The following SLIT3 variants were observed in gnomAD, a reference collection of about 807,000 sequenced individuals.
The protein encoded by SLIT3 is slit guidance ligand 3.
Under a neutral mutation model 184.0 loss-of-function variants are expected in SLIT3, and 68 were observed. The ratio of observed to expected loss-of-function variants is 0.37; its 90% CI spans 0.30 to 0.45. The LOEUF (loss-of-function observed/expected upper bound fraction) is 0.45, where lower values mean the gene tolerates loss of function less well. SLIT3 is among the 20% of genes least tolerant of loss of function. The pLI, the probability that SLIT3 is intolerant of heterozygous loss-of-function variation, is 1.00. For synonymous variants in SLIT3, 831 were observed against 828.6 expected (o/e 1.00, Z -0.05); for missense variants, 1,707 against 2,026.0 (o/e 0.84, Z 3.02).
intron 8 of SLIT3, among the ~76,000 whole-genome samples, chr5:168,808,226 G>T (rs986714995): frequency 6.6e-6 from 1 of 152,118 alleles, no homozygotes; most frequent in Admixed American, 6.5e-5. Context: ...CTCCTAGAGA[G>T]AGTGGTGATG....
chr5:168,672,886 A>G (rs1761297462), intron 33 of SLIT3, among the ~76,000 whole-genome samples: 1 of 152,206 alleles, frequency 6.6e-6, no homozygotes, highest in African/African-American at 2.4e-5. Context: ...TGAAGCTGGC[A>G]GACTTCAGCA....
At chr5:168,715,415 G>A (rs1018064529) in intron 23 of SLIT3, among the ~76,000 whole-genome samples, 1 of 152,180 alleles carries the variant, frequency 6.6e-6, no homozygotes, top group African/African-American at 2.4e-5. Context: ...ATGAACCTAT[G>A]GCTCAGGTCT....
At chr5:169,163,260 G>A (rs899139256) in intron 4 of SLIT3, among the ~76,000 whole-genome samples, 1 of 152,170 alleles carries the variant, frequency 6.6e-6, no homozygotes, top group Non-Finnish European at 1.5e-5. Flanking sequence ...GGCGGAGGTT[G>A]CAGTGAGCCA....
chr5:168,950,216 C>T (rs1476376864), intron 4 of SLIT3, among the ~76,000 whole-genome samples: 1 of 152,086 alleles, frequency 6.6e-6, no homozygotes, highest in Non-Finnish European at 1.5e-5. Context: ...TCCCTTCCTC[C>T]ATGTGAGGAA....
chr5:168,831,585 T>A (rs1393215198), intron 6 of SLIT3, among the ~76,000 whole-genome samples: 1 of 152,166 alleles, frequency 6.6e-6, no homozygotes, highest in Non-Finnish European at 1.5e-5. Flanking sequence ...ATTTGACACC[T>A]CAAATTAGCA....
chr5:169,193,358 GTC>G, intron 4 of SLIT3, 119 bp downstream of exon 4: 1 of 796,746 alleles, frequency 1.3e-6, no homozygotes, highest in Non-Finnish European at 2.2e-6. Flanking sequence ...CCTGCTCCAA[GTC>G]TCTATGTCAG....
chr5:169,001,684 A>T (rs1483195891), intron 4 of SLIT3, among the ~76,000 whole-genome samples: 3 of 152,220 alleles, frequency 2.0e-5, no homozygotes, highest in African/African-American at 7.2e-5. Flanking sequence ...CAAGGAATTA[A>T]TATCTCTGGA....
chr5:168,780,514 T>C (rs1044036409), intron 12 of SLIT3, among the ~76,000 whole-genome samples: 1 of 152,246 alleles, frequency 6.6e-6, no homozygotes, highest in Non-Finnish European at 1.5e-5. Flanking sequence ...GCTCCTTTAG[T>C]AGGAGAATTT....
At chr5:168,772,708 T>C (rs760330844) in intron 14 of SLIT3, 73 bp downstream of exon 14, 15 of 1,521,996 alleles carry the variant, frequency 9.9e-6, no homozygotes, top group East Asian at 2.3e-5. Context: ...GTCCTCCAGA[T>C]TGGATTATTG....
chr5:169,103,910 A>C (rs1760107882), intron 4 of SLIT3, among the ~76,000 whole-genome samples: 1 of 152,192 alleles, frequency 6.6e-6, no homozygotes, highest in African/African-American at 2.4e-5. Flanking sequence ...TGCAGGGCCG[A>C]GTGGCCCTGC....
At chr5:168,710,169 G>T (rs949817206) in intron 25 of SLIT3, 2 of 152,052 alleles carry the variant, frequency 1.3e-5, no homozygotes, top group Admixed American at 1.3e-4. Flanking sequence ...TAAAGACTGC[G>T]CATTCTGGAA....
chr5:168,728,626 T>A (rs1020324391), intron 20 of SLIT3, among the ~76,000 whole-genome samples: 7 of 151,596 alleles, frequency 4.6e-5, no homozygotes, highest in Non-Finnish European at 7.4e-5. Context: ...TTAAAAAAAA[T>A]AAAAAAGCCA....
intron 13 of SLIT3, among the ~76,000 whole-genome samples, chr5:168,773,477 G>C (rs1323377750): frequency 6.6e-6 from 1 of 152,124 alleles, no homozygotes; most frequent in East Asian, 1.9e-4. Context: ...CACAGTGTTT[G>C]GCACGTGGTC....
At chr5:168,707,887 G>C in intron 26 of SLIT3, 89 bp downstream of exon 26, 2 of 1,520,100 alleles carry the variant, frequency 1.3e-6, no homozygotes, top group Non-Finnish European at 1.8e-6. Flanking sequence ...GAGAAGGGAG[G>C]GTACGCAGGG....
At chr5:169,057,804 C>A (rs1453143058) in intron 4 of SLIT3, among the ~76,000 whole-genome samples, 1 of 152,154 alleles carries the variant, frequency 6.6e-6, no homozygotes, top group Non-Finnish European at 1.5e-5. Flanking sequence ...TGTGGGGCGA[C>A]CTCTGTGACT....
intron 4 of SLIT3, among the ~76,000 whole-genome samples, chr5:168,903,361 GCA>G (rs1398245876): frequency 2.0e-5 from 3 of 152,166 alleles, no homozygotes; most frequent in South Asian, 2.1e-4. Context: ...TCCTGTTCCA[GCA>G]CAGTTTTCCC....
At position 168,872,710 on chromosome 5, in the gene SLIT3, C is replaced by T. The variant is rs1759577471; in HGVS notation, c.485+10555G>A. 2.1e-5 allele frequency among the ~76,000 whole-genome samples: 3 copies of T among 145,812 alleles called. No homozygotes were observed. In the Admixed American group the frequency reaches 2.1e-4, roughly 10 times the overall value. On this transcript the variant is annotated intron_variant, in intron 5 of 35. Transcript: ENST00000519560. ...CTAGAGTGCAGTGGCACAATCTCAG[C>T]TCACTACAACCTCTGCCTCCCAGGT... is the stretch of plus-strand genomic sequence containing the variant.
At chr5:168,959,561 C>A (rs1020367314) in intron 4 of SLIT3, among the ~76,000 whole-genome samples, 5 of 152,162 alleles carry the variant, frequency 3.3e-5, no homozygotes, top group African/African-American at 1.2e-4. Flanking sequence ...TTATGAGAAA[C>A]CACCTGTCAC....
At chr5:169,232,547 A>C (rs1171403166) in intron 3 of SLIT3, among the ~76,000 whole-genome samples, 1 of 152,198 alleles carries the variant, frequency 6.6e-6, no homozygotes, top group Non-Finnish European at 1.5e-5. Context: ...TATTTTCTAG[A>C]AGTGTCTTTA....
Sources: allele counts gnomAD v4.1 joint callset (sites outside exome capture counted in the v4.1 genomes callset), GRCh38; gene constraint gnomAD v4.1.1; transcripts MANE v1.5; gene names NCBI Gene and HGNC (gene_info 2026-07-23, HGNC 2026-07-21).